The following PDZD9 variants were observed in gnomAD, a reference collection of about 807,000 sequenced individuals.
PDZD9 encodes PDZ domain-containing protein 9.
A neutral mutation model predicts 16.3 loss-of-function variants in PDZD9; 13 were observed. That is an observed-to-expected ratio of 0.80 (90% CI 0.52 to 1.27). The LOEUF is 1.27. Ranked by LOEUF, PDZD9 falls within the 50% of genes most tolerant of loss-of-function variation. The pLI is 0.00. For synonymous variants in PDZD9, 120 were observed against 111.0 expected, an observed-to-expected ratio of 1.08 and a Z score of -0.51; for missense variants, 288 against 310.9, an observed-to-expected ratio of 0.93 and a Z score of 0.55.
chr16:21,971,826 C>T, the PDZD9 span: 225 of 1,545,642 alleles, frequency 1.5e-4, no homozygotes, highest in Non-Finnish European at 1.8e-4. Context: ...GCAGAAAAGA[C>T]TCGTGGGTTA....
the PDZD9 span, chr16:21,971,398 G>T: frequency 1.4e-6 from 1 of 739,490 alleles, no homozygotes; most frequent in African/African-American, 1.8e-5. Context: ...CATTATGGCA[G>T]GAAGACTCTT....
At chr16:21,983,348 G>C (rs1388245179), downstream of PDZD9, 4 of 551,238 alleles carry the variant, frequency 7.3e-6, no homozygotes, top group Non-Finnish European at 1.3e-5. Flanking sequence ...TTCTGTTTAA[G>C]TGTTTTTCTT....
the PDZD9 span, among the ~76,000 whole-genome samples, chr16:21,961,626 T>TTA: frequency 0.053 from 3,353 of 63,826 alleles, 212 homozygotes; most frequent in Non-Finnish European, 0.1. Flanking sequence ...AACATAAAAT[T>TTA]TATATATATA....
At chr16:21,971,863 A>C in the PDZD9 span, 1 of 1,604,072 alleles carries the variant, frequency 6.2e-7, no homozygotes, top group Non-Finnish European at 8.5e-7. Flanking sequence ...AATACTGGAG[A>C]ATGAAACCAA....
At chr16:21,983,200 T>C (rs1898778957), downstream of PDZD9, 21 of 1,583,268 alleles carry the variant, frequency 1.3e-5, no homozygotes, top group Non-Finnish European at 1.7e-5. Context: ...AGGAGAGAGC[T>C]GAACGTTCTC....
the PDZD9 span, chr16:21,962,513 A>G: frequency 5.0e-6 from 8 of 1,614,050 alleles, no homozygotes; most frequent in South Asian, 2.2e-5. Context: ...CTGCGGGGTG[A>G]TGTGTAAGTA....
the PDZD9 span, chr16:21,971,417 T>G: frequency 2.3e-6 from 2 of 871,872 alleles, no homozygotes; most frequent in Non-Finnish European, 3.5e-6. Context: ...TTATTTATTT[T>G]GTAGTGTTAG....
chr16:21,980,489 A>AG (rs1245696571), downstream of PDZD9: 39 of 1,532,400 alleles, frequency 2.5e-5, no homozygotes, highest in East Asian at 8.5e-4. Context: ...GCCACCACTC[A>AG]GAAAAAAAAA....
Position 21,984,469 on chromosome 16 carries a change from A to G in PDZD9, c.593T>C (p.Val198Ala). The G allele has an allele frequency of 6.2e-7, 1 of 1,613,524 alleles. No individual in the cohort carries two copies. Among genetic ancestry groups the G allele is most frequent in the Non-Finnish European group, 8.5e-7 (1 of 1,179,514 alleles). Residue 198 changes from valine to alanine, a missense_variant, in exon 4 of 4, where the codon GTA becomes GCA. Val to Ala is a moderately conservative substitution (Grantham distance 64). Transcript: ENST00000424898. ...GYKKKNHTISVGKDINCDVMI... is the reference protein window; with the variant it reads ...GYKKKNHTISAGKDINCDVMI... ...CACGTCACAATTAATGTCTTTTCCT[A>G]CACTAATAGTATGGTTCTTCTTCTT...
At chr16:21,959,493 C>T in the PDZD9 span, 3 of 157,008 alleles carry the variant, frequency 1.9e-5, no homozygotes, top group Admixed American at 6.4e-5. Flanking sequence ...TCTCTTGCTA[C>T]TCCCACCATA....
At chr16:21,996,293 G>T (rs926102166) in intron 2 of PDZD9, 29 bp downstream of exon 2, 3 of 1,525,984 alleles carry the variant, frequency 2.0e-6, no homozygotes, top group Non-Finnish European at 2.6e-6. Context: ...AGGATGGGTG[G>T]TTGGGAAGCA....
chr16:21,979,991 T>C (rs1341811451), downstream of PDZD9, among the ~76,000 whole-genome samples: 2 of 152,230 alleles, frequency 1.3e-5, no homozygotes, highest in East Asian at 3.8e-4. Context: ...AGAAGACTTT[T>C]GCCCAGCTGC....
At chr16:21,981,272 C>T (rs1217882291), downstream of PDZD9, among the ~76,000 whole-genome samples, 1 of 152,062 alleles carries the variant, frequency 6.6e-6, no homozygotes, top group Non-Finnish European at 1.5e-5. Context: ...AGGGCAAGGA[C>T]TATGTCATGT....
the PDZD9 span, chr16:21,962,671 TTTCACATTGAGAGC>T: frequency 1.3e-6 from 2 of 1,598,894 alleles, no homozygotes; most frequent in Non-Finnish European, 1.7e-6. Context: ...AGACCTAAAG[TTTCACATTGAGAGC>T]ATTACAGCTA....
intron 1 of PDZD9, 147 bp downstream of exon 1, chr16:22,000,870 G>GATGATGATC (rs1555518620): frequency 1.6e-6 from 1 of 618,816 alleles, no homozygotes; most frequent in East Asian, 3.2e-5. Flanking sequence ...TGATGATGAT[G>GATGATGATC]ATGATAATGA....
chr16:21,995,641 A>G (rs545834176), intron 2 of PDZD9, among the ~76,000 whole-genome samples: 2 of 152,244 alleles, frequency 1.3e-5, no homozygotes, highest in African/African-American at 4.8e-5. Context: ...TCTGTCACCC[A>G]GGCTGGAGTA....
the PDZD9 span, among the ~76,000 whole-genome samples, chr16:21,972,608 C>T: frequency 6.6e-6 from 1 of 152,190 alleles, no homozygotes; most frequent in Admixed American, 6.5e-5. Flanking sequence ...GGCACAGTGG[C>T]TCACAACTAA....
At position 21,997,427 on chromosome 16, in the gene PDZD9, A is replaced by G. The variant is rs779947725; in HGVS notation, c.32-926T>C. On this transcript the variant is annotated intron_variant, in intron 1 of 3. Coordinates refer to ENST00000424898, the MANE Select transcript of PDZD9 (RefSeq NM_001363519.1). ...AGGAAGGAACAGTCCCTGTCAGAGG[A>G]GGGGGAGGCAGGAGGAGCGAGGACC... Among the ~76,000 whole-genome samples, 4 of 152,304 alleles carry G rather than the reference A, an allele frequency of 2.6e-5. No homozygotes were observed. In the Middle Eastern group the frequency reaches 0.014, roughly 518 times the overall value.
chr16:21,998,984 G>A, intron 1 of PDZD9: 1 of 224,368 alleles, frequency 4.5e-6, no homozygotes, highest in South Asian at 8.4e-5. Flanking sequence ...TCAGCCATAT[G>A]AAGTCACTAC....
Sources: gnomAD v4.1 joint callset for allele counts (sites outside exome capture counted in the v4.1 genomes callset) on GRCh38, gnomAD v4.1.1 for gene constraint, MANE v1.5 for transcripts, NCBI Gene and HGNC (gene_info 2026-07-23, HGNC 2026-07-21) for gene names.